SYT17: variants seen among roughly 807,000 people sequenced by gnomAD.
SYT17 encodes the protein synaptotagmin-17.
A neutral mutation model predicts 46.7 loss-of-function variants in SYT17; 22 were observed. The ratio of observed to expected loss-of-function variants is 0.47; its 90% CI spans 0.34 to 0.67. SYT17 has a LOEUF of 0.67. Among genes scored for constraint, SYT17 ranks in the 30% least tolerant of loss-of-function variants. The pLI is 0.01. For synonymous variants in SYT17, 251 were observed against 248.4 expected, an observed-to-expected ratio of 1.01 and a Z score of -0.10; for missense variants, 519 against 612.8, an observed-to-expected ratio of 0.85 and a Z score of 1.62.
intron 7 of SYT17, among the ~76,000 whole-genome samples, chr16:19,238,435 T>C (rs557881260): frequency 1.3e-5 from 2 of 152,312 alleles, no homozygotes; most frequent in East Asian, 3.9e-4. Flanking sequence ...CCTGTTACCC[T>C]GGGGTTCTCC....
chr16:19,254,984 T>C (rs1968457464), intron 7 of SYT17, among the ~76,000 whole-genome samples: 1 of 152,196 alleles, frequency 6.6e-6, no homozygotes, highest in South Asian at 2.1e-4. Context: ...CTTTCATCTC[T>C]TGAGGAAGGA....
intron 7 of SYT17, among the ~76,000 whole-genome samples, chr16:19,266,483 T>C (rs1001009366): frequency 6.6e-6 from 1 of 152,240 alleles, no homozygotes; most frequent in African/African-American, 2.4e-5. Flanking sequence ...CTGGACTACA[T>C]TGACAGGCTC....
intron 5 of SYT17, among the ~76,000 whole-genome samples, chr16:19,200,877 T>G (rs1431053278): frequency 6.6e-6 from 1 of 152,192 alleles, no homozygotes; most frequent in African/African-American, 2.4e-5. Context: ...GTGACCTTCC[T>G]TAGGGAATTA....
At chr16:19,257,909 A>T (rs1031232683) in intron 7 of SYT17, among the ~76,000 whole-genome samples, 7 of 151,988 alleles carry the variant, frequency 4.6e-5, no homozygotes, top group Non-Finnish European at 1.0e-4. Flanking sequence ...TGAACCAAAT[A>T]TGCAAAATGA....
At chr16:19,173,337 T>C (rs962295724) in intron 2 of SYT17, 93 bp from the exon 3 acceptor site, 2 of 797,094 alleles carry the variant, frequency 2.5e-6, no homozygotes, top group Non-Finnish European at 3.9e-6. Flanking sequence ...CGGCTGCTTG[T>C]AATTTTGGGT....
At chr16:19,195,927 G>A (rs1275427664) in intron 5 of SYT17, among the ~76,000 whole-genome samples, 2 of 152,158 alleles carry the variant, frequency 1.3e-5, no homozygotes, top group Non-Finnish European at 2.9e-5. Flanking sequence ...GGAGGCTGCT[G>A]TGAGCTATGA....
At chr16:19,233,289 T>C (rs1386811853) in intron 7 of SYT17, among the ~76,000 whole-genome samples, 1 of 152,098 alleles carries the variant, frequency 6.6e-6, no homozygotes, top group African/African-American at 2.4e-5. Context: ...GTGGGAGGCC[T>C]GGAGGGCAGC....
intron 7 of SYT17, among the ~76,000 whole-genome samples, chr16:19,229,744 C>A (rs771028775): frequency 6.6e-6 from 1 of 152,250 alleles, no homozygotes; most frequent in African/African-American, 2.4e-5. Context: ...GGGACTCAAA[C>A]TCTTATTTGT....
At chr16:19,201,846 A>G (rs546164630) in intron 5 of SYT17, among the ~76,000 whole-genome samples, 14 of 152,284 alleles carry the variant, frequency 9.2e-5, no homozygotes, top group African/African-American at 2.6e-4. Context: ...TAGTCCAGGC[A>G]TTAGTGTTCC....
chr16:19,244,522 T>TG (rs5816040), intron 7 of SYT17, among the ~76,000 whole-genome samples: 2 of 152,080 alleles, frequency 1.3e-5, no homozygotes, highest in Non-Finnish European at 2.9e-5. Flanking sequence ...TTTGTAGAGA[T>TG]GGGGGTCTCA....
At chr16:19,263,640 C>CAAAAAAAA (rs1157288423) in intron 7 of SYT17, among the ~76,000 whole-genome samples, 5 of 39,216 alleles carry the variant, frequency 1.3e-4, no homozygotes, top group African/African-American at 2.3e-4. Context: ...AATTACAACT[C>CAAAAAAAA]AAAAAAAAAA....
In SYT17 at chr16:19,267,869, C is replaced by T. The variant is rs1157383071; in HGVS notation, c.*793C>T. 2 of 152,370 alleles carry T rather than the reference C, an allele frequency of 1.3e-5. No homozygotes were observed. The highest frequency in any genetic ancestry group is 2.4e-5 in the African/African-American group (1 of 41,460). 9.4% of individuals were successfully genotyped at this position (152,370 alleles called of 1,614,324 possible). A position where few individuals can be genotyped will look rare whatever the true frequency, so the allele number is the denominator to read the frequency against. ...GCCCTGAGCACTGCCTTCTCTCTGC[C>T]TCTCCTGTCCAGTGAGAGTCCAACC... is the stretch of plus-strand genomic sequence containing the variant. On this transcript the variant is annotated 3_prime_UTR_variant, in exon 8 of 8. Transcript: ENST00000355377.
chr16:19,202,412 G>T (rs1965502303), intron 5 of SYT17, among the ~76,000 whole-genome samples: 1 of 152,254 alleles, frequency 6.6e-6, no homozygotes, highest in Non-Finnish European at 1.5e-5. Context: ...GCAGGGGGTT[G>T]TGTGTGGTGC....
At chr16:19,233,181 GT>G (rs1966768266) in intron 7 of SYT17, among the ~76,000 whole-genome samples, 1 of 152,192 alleles carries the variant, frequency 6.6e-6, no homozygotes, top group African/African-American at 2.4e-5. Context: ...CCTGGTCTGT[GT>G]TCCATAATTG....
intron 3 of SYT17, among the ~76,000 whole-genome samples, chr16:19,178,176 G>A (rs1030670258): frequency 2.6e-5 from 4 of 151,798 alleles, no homozygotes; most frequent in South Asian, 4.2e-4. Flanking sequence ...TCTGCCTCCC[G>A]GGTTCATGCC....
At chr16:19,235,192 T>C (rs1241404670) in intron 7 of SYT17, among the ~76,000 whole-genome samples, 2 of 152,164 alleles carry the variant, frequency 1.3e-5, no homozygotes, top group East Asian at 3.8e-4. Context: ...GGGGAAGAAC[T>C]TAAGAATAGG....
At chr16:19,257,986 A>G (rs987561551) in intron 7 of SYT17, among the ~76,000 whole-genome samples, 1 of 151,086 alleles carries the variant, frequency 6.6e-6, no homozygotes, top group Non-Finnish European at 1.5e-5. Context: ...TGCAGTGTTT[A>G]TTACACCCAC....
chr16:19,253,322 G>A (rs916547478), intron 7 of SYT17, among the ~76,000 whole-genome samples: 11 of 152,250 alleles, frequency 7.2e-5, no homozygotes, highest in East Asian at 1.9e-4. Context: ...TTGGGAGGCC[G>A]AGGTGGGAGG....
intron 7 of SYT17, among the ~76,000 whole-genome samples, chr16:19,248,572 A>G (rs1967772290): frequency 6.6e-6 from 1 of 152,068 alleles, no homozygotes; most frequent in Non-Finnish European, 1.5e-5. Flanking sequence ...TGTAATCTCC[A>G]CACTTTGGGA....
Sources: gnomAD v4.1 joint callset for allele counts (sites outside exome capture counted in the v4.1 genomes callset) on GRCh38, gnomAD v4.1.1 for gene constraint, MANE v1.5 for transcripts, NCBI Gene and HGNC (gene_info 2026-07-23, HGNC 2026-07-21) for gene names.